Variants in RBFOX1 observed in about 807,000 individuals in gnomAD.
RBFOX1 encodes RNA binding fox-1 homolog 1, also known as RNA binding protein fox-1 homolog 1.
RBFOX1 carries 8 observed loss-of-function variants against 57.7 expected under a neutral mutation model. The ratio of observed to expected loss-of-function variants is 0.14; its 90% confidence interval spans 0.08 to 0.25. The LOEUF is 0.25. RBFOX1 is among the 10% of genes least tolerant of loss of function. The pLI is 1.00. For synonymous variants in RBFOX1, 326 were observed against 222.4 expected (o/e 1.47, Z -4.15); for missense variants, 611 against 548.5 (o/e 1.11, Z -1.14).
chr16:5,635,274 A>G (rs1373089851), intron 3 of RBFOX1, among the ~76,000 whole-genome samples: 1 of 152,244 alleles, frequency 6.6e-6, no homozygotes, highest in Non-Finnish European at 1.5e-5. Flanking sequence ...AATTGAATAA[A>G]TAATTTACAT....
chr16:5,528,742 C>G (rs184062337), intron 2 of RBFOX1, among the ~76,000 whole-genome samples: 29 of 151,792 alleles, frequency 1.9e-4, no homozygotes, highest in Admixed American at 1.6e-3. Context: ...CTCCACCTCC[C>G]AGGTTCAAGC....
At chr16:6,654,373 A>T (rs983454443) in intron 2 of RBFOX1, among the ~76,000 whole-genome samples, 10 of 152,202 alleles carry the variant, frequency 6.6e-5, no homozygotes, top group African/African-American at 2.4e-4. Context: ...TACATTCCAC[A>T]TCTGCATGTA....
chr16:6,323,379 A>C (rs76639996), intron 2 of RBFOX1, among the ~76,000 whole-genome samples: 2,351 of 152,200 alleles, frequency 0.015, 56 homozygotes, highest in African/African-American at 0.054. Flanking sequence ...GGGTGTGCAC[A>C]ATCTGTCTTC....
At chr16:5,354,023 G>C (rs909406030) in intron 1 of RBFOX1, among the ~76,000 whole-genome samples, 2 of 152,056 alleles carry the variant, frequency 1.3e-5, no homozygotes, top group Non-Finnish European at 2.9e-5. Context: ...CAGAGGAGGA[G>C]ACATTTGGAA....
chr16:6,900,868 C>T (rs2068305451), intron 3 of RBFOX1, among the ~76,000 whole-genome samples: 1 of 152,174 alleles, frequency 6.6e-6, no homozygotes, highest in Non-Finnish European at 1.5e-5. Flanking sequence ...TCCATGAATG[C>T]AGGGAGCTAC....
chr16:5,555,035 C>T (rs2045616137), intron 2 of RBFOX1, among the ~76,000 whole-genome samples: 1 of 152,202 alleles, frequency 6.6e-6, no homozygotes, highest in Admixed American at 6.5e-5. Flanking sequence ...ACAACCAAAT[C>T]CCAGAAGAGA....
At position 7,552,405 on chromosome 16, in the gene RBFOX1, T is replaced by C. The variant is rs183323429; in HGVS notation, c.271-27372T>C. ...CTTCAGCACTGGAAGGTGAAAAGAC[T>C]TCAGAAGACCTTTTCTGGAAGCCTT... On this transcript the variant is annotated intron_variant, in intron 5 of 15. Transcript: ENST00000550418. 1.8e-3 allele frequency among the ~76,000 whole-genome samples: 268 copies of C among 152,258 alleles called. 1 individual carries two copies. The highest frequency in any genetic ancestry group is 6.8e-3 in the Middle Eastern group (2 of 292).
At chr16:6,117,970 A>T (rs1397785593) in intron 1 of RBFOX1, among the ~76,000 whole-genome samples, 2 of 152,204 alleles carry the variant, frequency 1.3e-5, no homozygotes. Context: ...AGAACACAAG[A>T]TGGACATCTG....
At chr16:6,995,309 TG>T (rs2092092115) in intron 3 of RBFOX1, among the ~76,000 whole-genome samples, 1 of 151,510 alleles carries the variant, frequency 6.6e-6, no homozygotes, top group East Asian at 1.9e-4. Context: ...TGTGTGTGTG[TG>T]TGTGTGTGTG....
At chr16:6,412,755 C>T (rs1363881361) in intron 2 of RBFOX1, among the ~76,000 whole-genome samples, 1 of 152,132 alleles carries the variant, frequency 6.6e-6, no homozygotes, top group Non-Finnish European at 1.5e-5. Flanking sequence ...ACTTAGTTGT[C>T]TCGGAACCAT....
intron 4 of RBFOX1, among the ~76,000 whole-genome samples, chr16:7,449,977 G>A (rs2098838892): frequency 6.6e-6 from 1 of 152,144 alleles, no homozygotes; most frequent in Admixed American, 6.6e-5. Context: ...GAAACATCAG[G>A]GAGGGAGAAG....
intron 4 of RBFOX1, among the ~76,000 whole-genome samples, chr16:7,481,108 T>A (rs956820806): frequency 1.3e-5 from 2 of 152,154 alleles, no homozygotes; most frequent in African/African-American, 4.8e-5. Flanking sequence ...GCCCTCCATC[T>A]CTGAGCCTAT....
At position 6,364,565 on chromosome 16, in the gene RBFOX1, G is replaced by A. The variant is rs147580906; in HGVS notation, c.-64+47508G>A. ...CAGCGGTGCATGTGAACACATGTGC[G>A]TGTGTGCAGGCATGTGTGTACACAC... On this transcript the variant is annotated intron_variant, in intron 2 of 15. Coordinates refer to ENST00000550418, the MANE Select transcript of RBFOX1 (RefSeq NM_018723.4). Among the ~76,000 whole-genome samples the A allele has an allele frequency of 1.1e-4, 17 of 152,306 alleles. No individual in the cohort carries two copies. In the East Asian group the frequency reaches 2.5e-3, roughly 23 times the overall value.
chr16:5,838,188 T>C (rs1348622544), intron 3 of RBFOX1: 1 of 168,290 alleles, frequency 5.9e-6, no homozygotes, highest in South Asian at 1.6e-4. Context: ...CCTTAAGTAC[T>C]ATGCTCACAT....
At chr16:7,701,460 A>G (rs1424824383) in intron 14 of RBFOX1, among the ~76,000 whole-genome samples, 1 of 152,184 alleles carries the variant, frequency 6.6e-6, no homozygotes, top group Non-Finnish European at 1.5e-5. Context: ...TCTAGGTTGC[A>G]CACTCCTTTT....
chr16:6,054,697 T>C (rs2095593380), intron 1 of RBFOX1, among the ~76,000 whole-genome samples: 1 of 152,242 alleles, frequency 6.6e-6, no homozygotes, highest in African/African-American at 2.4e-5. Flanking sequence ...TGTTTCTGTA[T>C]GCTGTTGAAG....
intron 2 of RBFOX1, among the ~76,000 whole-genome samples, chr16:6,627,747 G>T (rs934330290): frequency 1.3e-5 from 2 of 152,162 alleles, no homozygotes; most frequent in Admixed American, 6.5e-5. Context: ...CCGGAGGGAG[G>T]GTGGAGATTT....
At chr16:7,124,395 C>G (rs955432663) in intron 4 of RBFOX1, among the ~76,000 whole-genome samples, 7 of 152,110 alleles carry the variant, frequency 4.6e-5, no homozygotes, top group African/African-American at 1.7e-4. Context: ...GCCCAGGTGA[C>G]AGAATGAAAC....
rs766015508 is a variant in RBFOX1 at position 6,520,616 on chromosome 16, G to C, written c.-63-133987G>C. Among the ~76,000 whole-genome samples, 72 of 152,270 alleles carry C rather than the reference G, an allele frequency of 4.7e-4. 1 individual carries two copies. Among genetic ancestry groups the C allele is most frequent in the Admixed American group, 2.4e-3 (36 of 15,296 alleles). On this transcript the variant is annotated intron_variant, in intron 2 of 15. Coordinates refer to ENST00000550418, the MANE Select transcript of RBFOX1 (RefSeq NM_018723.4). ...TTAGAAAGATATGTGGGCACCTTTA[G>C]CTTGAAGGGGAGGGCTGAAGACTAT...
Sources: allele counts gnomAD v4.1 joint callset (sites outside exome capture counted in the v4.1 genomes callset), GRCh38; gene constraint gnomAD v4.1.1; transcripts MANE v1.5; gene names NCBI Gene and HGNC (gene_info 2026-07-23, HGNC 2026-07-21).